KIF7: variants seen among roughly 807,000 people sequenced by gnomAD.
KIF7 encodes the protein kinesin-like protein KIF7.
Under a neutral mutation model 135.7 loss-of-function variants are expected in KIF7, and 104 were observed. That is an observed-to-expected ratio of 0.77 (90% CI 0.65 to 0.90). KIF7 has a LOEUF of 0.90. Ranked by LOEUF, KIF7 falls within the 40% of genes least tolerant of loss-of-function variation. KIF7 has a pLI of 0.00. For missense variants in KIF7, 2,005 were observed against 1,839.1 expected (o/e 1.09, Z -1.65); for synonymous variants, 883 against 809.4 (o/e 1.09, Z -1.54).
At chr15:89,651,354 T>A (rs1964121242) in intron 2 of KIF7, among the ~76,000 whole-genome samples, 1 of 152,202 alleles carries the variant, frequency 6.6e-6, no homozygotes, top group Non-Finnish European at 1.5e-5. Flanking sequence ...CACCTCGGCC[T>A]CCCAAAGTGC....
Position 89,633,242 on chromosome 15 carries a change from G to A in KIF7, c.2617C>T (p.Gln873Ter). ...VKELELKHEQ[Q>*]QKILKIKTEE... is the part of the protein sequence containing the mutation. The stretch of plus-strand genomic sequence containing the variant: ...GTCTTAATCTTCAGGATCTTCTGCT[G>A]TTGCTCATGCTTCAGCTCCAGCTCC... Residue 873 changes from glutamine to a stop codon, truncating the protein, a stop_gained, in exon 13 of 19, where the codon CAG (glutamine) becomes TAG (stop). Coordinates refer to ENST00000394412, the MANE Select transcript of KIF7 (RefSeq NM_198525.3). LOFTEE classifies it high-confidence loss of function. 1 of 1,581,134 alleles carries A rather than the reference G, an allele frequency of 6.3e-7. No individual in the cohort carries two copies. Among genetic ancestry groups the A allele is most frequent in the Non-Finnish European group, 8.6e-7 (1 of 1,166,188 alleles).
In KIF7 at chr15:89,642,411, A is replaced by G. The variant is rs778445803; in HGVS notation, c.2192-6T>C. ...CAGGGCCTGAGCTGCCTTTCCTGGA[A>G]GAAAGCGGGAATGTCAGCACAGGCA... On this transcript the variant is annotated splice_region_variant and splice_polypyrimidine_tract_variant and intron_variant, in intron 10 of 18. Coordinates refer to ENST00000394412, the MANE Select transcript of KIF7 (RefSeq NM_198525.3). 1.3e-6 allele frequency: 2 copies of G among 1,592,174 alleles called. No individual in the cohort carries two copies. The highest frequency in any genetic ancestry group is 8.5e-7 in the Non-Finnish European group (1 of 1,170,094).
intron 11 of KIF7, among the ~76,000 whole-genome samples, chr15:89,636,698 A>G (rs1261107967): frequency 1.5e-5 from 1 of 67,906 alleles, no homozygotes; most frequent in Non-Finnish European, 3.0e-5. Flanking sequence ...AGTGACCTAC[A>G]AAGAGACTTA....
chr15:89,654,023 T>C (rs1964167155), intron 1 of KIF7, among the ~76,000 whole-genome samples: 2 of 152,316 alleles, frequency 1.3e-5, no homozygotes, highest in South Asian at 4.1e-4. Context: ...TTTTGTTTTT[T>C]ATTTGAGACG....
chr15:89,638,525 G>A (rs1963856912), intron 11 of KIF7, among the ~76,000 whole-genome samples: 3 of 151,032 alleles, frequency 2.0e-5, no homozygotes, highest in Admixed American at 1.3e-4. Context: ...GCCAAATCAT[G>A]AGTGGACTCC....
chr15:89,629,432 T>G lies in KIF7; in HGVS notation c.3460A>C (p.Thr1154Pro). 6.2e-7 allele frequency: 1 copy of G among 1,608,516 alleles called. No homozygotes were observed. The highest frequency in any genetic ancestry group is 1.1e-5 in the South Asian group (1 of 91,060). The change falls in exon 17 of 19, where the codon ACC becomes CCC. Residue 1154 changes from threonine (T) to proline (P), a missense_variant. Thr to Pro is a conservative substitution (Grantham distance 38, BLOSUM62 -1). Transcript: ENST00000394412. Reference protein sequence around the residue: ...RQRLEMDRQLTLQQKEHEQNM... With the variant: ...RQRLEMDRQLPLQQKEHEQNM... Reference sequence around the variant, plus strand: ...TGCTCGTGCTCCTTCTGCTGCAGGGTCAGCTGGCGGTCCATCTCCAGGCGC... The same window carrying G: ...TGCTCGTGCTCCTTCTGCTGCAGGGGCAGCTGGCGGTCCATCTCCAGGCGC...
exon 2 of KIF7, chr15:89,618,032 C>T (rs772930605): frequency 1.8e-4 from 185 of 1,003,170 alleles, no homozygotes; most frequent in Non-Finnish European, 2.8e-4. Context: ...CCTTTACCAG[C>T]ACTGGTGTTA....
chr15:89,643,950 TAA>T (rs754982717), intron 10 of KIF7, among the ~76,000 whole-genome samples: 10 of 121,080 alleles, frequency 8.3e-5, no homozygotes, highest in Non-Finnish European at 8.8e-5. Context: ...TACAGTTAAG[TAA>T]AAAAAAAAAA....
chr15:89,644,104 C>T (rs1457344401), intron 10 of KIF7, among the ~76,000 whole-genome samples: 3 of 152,138 alleles, frequency 2.0e-5, no homozygotes, highest in African/African-American at 7.2e-5. Context: ...ACTACTAAGT[C>T]TGGAGGATGG....
chr15:89,648,936 CGGCCCCCA>C (rs1258713438), intron 4 of KIF7, 30 bp downstream of exon 4: 1 of 1,496,994 alleles, frequency 6.7e-7, no homozygotes, highest in African/African-American at 1.4e-5. Flanking sequence ...CCCGCCTCCC[CGGCCCCCA>C]GGCCACATAG....
At chr15:89,634,346 G>C (rs888021174) in intron 11 of KIF7, among the ~76,000 whole-genome samples, 3 of 152,186 alleles carry the variant, frequency 2.0e-5, no homozygotes, top group African/African-American at 7.2e-5. Flanking sequence ...AATAGGAACA[G>C]CTCCAGTCTA....
intron 11 of KIF7, among the ~76,000 whole-genome samples, chr15:89,641,474 G>A (rs142146185): frequency 8.1e-4 from 124 of 152,334 alleles, no homozygotes; most frequent in Middle Eastern, 3.4e-3. Flanking sequence ...GGATGCACCT[G>A]TGGATAAATG....
chr15:89,647,182 C>G, intron 6 of KIF7, 125 bp from the exon 7 acceptor site: 1 of 788,806 alleles, frequency 1.3e-6, no homozygotes. Context: ...GTGTCAAATA[C>G]TCCTCTCCTC....
intron 1 of KIF7, among the ~76,000 whole-genome samples, chr15:89,621,712 G>A (rs1019538540): frequency 6.6e-5 from 10 of 152,274 alleles, no homozygotes. Context: ...TATTAGACAC[G>A]TGGGAACTTC....
downstream of KIF7, chr15:89,626,878 C>T (rs940776537): frequency 8.6e-6 from 13 of 1,505,748 alleles, no homozygotes; most frequent in Non-Finnish European, 1.2e-5. Context: ...TGTGTGTAAC[C>T]CTCTGCAATT....
rs760557998 is a variant in KIF7 at position 89,629,097 on chromosome 15, G to A, written c.3543C>T (p.Asp1181=). The stretch of plus-strand genomic sequence containing the variant: ...TCCGGGCCTCATACTGCCTCCTGCT[G>A]TCTGCTAACCCTTCACCGAGGTGGT... ...SRDHLGEGLA[D]SRRQYEARIQ... is the part of the protein sequence containing the mutation. The change falls in exon 18 of 19, where the codon GAC becomes GAT. Residue 1181 remains aspartate (D), a synonymous_variant. Coordinates refer to ENST00000394412, the MANE Select transcript of KIF7 (RefSeq NM_198525.3). 1 of 1,612,172 alleles carries A rather than the reference G, an allele frequency of 6.2e-7. No homozygotes were observed. The highest frequency in any genetic ancestry group is 2.2e-5 in the East Asian group (1 of 44,766).
chr15:89,648,867 C>G (rs1964071077), intron 4 of KIF7, 93 bp from the exon 5 acceptor site: 2 of 1,467,006 alleles, frequency 1.4e-6, no homozygotes, highest in Non-Finnish European at 1.8e-6. Flanking sequence ...GCGCGGTTCC[C>G]GTGGGCTGGA....
upstream of KIF7, among the ~76,000 whole-genome samples, chr15:89,658,404 T>G (rs1199979464): frequency 6.6e-6 from 1 of 151,562 alleles, no homozygotes; most frequent in Non-Finnish European, 1.5e-5. Flanking sequence ...AAGCTGTGAT[T>G]ACACCACGGC....
chr15:89,634,409 G>A (rs1963757124), intron 11 of KIF7, among the ~76,000 whole-genome samples: 1 of 152,192 alleles, frequency 6.6e-6, no homozygotes, highest in Admixed American at 6.5e-5. Flanking sequence ...ATTTCCATCT[G>A]AGGTACTGGG....
Sources: allele counts gnomAD v4.1 joint callset (sites outside exome capture counted in the v4.1 genomes callset), GRCh38; gene constraint gnomAD v4.1.1; transcripts MANE v1.5; gene names NCBI Gene and HGNC (gene_info 2026-07-23, HGNC 2026-07-21).